DIAPH2: variants seen among roughly 807,000 people sequenced by gnomAD.
DIAPH2 encodes protein diaphanous homolog 2.
In DIAPH2, 35 loss-of-function variants were observed where a neutral mutation model predicts 92.7. The ratio of observed to expected loss-of-function variants is 0.38; its 90% CI spans 0.29 to 0.50. The LOEUF is 0.50. Among genes scored for constraint, DIAPH2 ranks in the 20% least tolerant of loss-of-function variants. The probability of loss-of-function intolerance (pLI) is 0.94; values close to 1 mark genes in which losing one functional copy is unlikely to be tolerated. For missense variants in DIAPH2, 701 were observed against 819.5 expected, an observed-to-expected ratio of 0.86 and a Z score of 1.77; for synonymous variants, 301 against 280.4, an observed-to-expected ratio of 1.07 and a Z score of -0.73.
intron 4 of DIAPH2, among the ~76,000 whole-genome samples, chrX:96,764,480 G>A (rs2064289418): frequency 1.8e-5 from 2 of 111,613 alleles, no homozygotes; most frequent in African/African-American, 6.5e-5. Flanking sequence ...GTTGAAGGAT[G>A]GTCTTGAAGT....
chrX:97,598,385 T>TGTAA (rs762730768), intron 26 of DIAPH2, among the ~76,000 whole-genome samples: 1 of 112,160 alleles, frequency 8.9e-6, no homozygotes, highest in East Asian at 2.8e-4. Flanking sequence ...TTAGCATTTA[T>TGTAA]GTAAGTGCTG....
At chrX:97,034,574 A>G (rs1279335282) in intron 17 of DIAPH2, among the ~76,000 whole-genome samples, 1 of 110,612 alleles carries the variant, frequency 9.0e-6, no homozygotes, top group East Asian at 2.8e-4. Flanking sequence ...TAGAAGAAAG[A>G]GAGAAATCAG....
At chrX:96,766,150 G>A (rs2064302586) in intron 4 of DIAPH2, among the ~76,000 whole-genome samples, 1 of 109,996 alleles carries the variant, frequency 9.1e-6, no homozygotes, top group African/African-American at 3.3e-5. Context: ...CAGGTAAACA[G>A]AATAAAGATA....
chrX:97,521,012 C>T (rs1216286254), intron 26 of DIAPH2, among the ~76,000 whole-genome samples: 1 of 111,468 alleles, frequency 9.0e-6, no homozygotes, highest in African/African-American at 3.3e-5. Context: ...GTCTACCCTC[C>T]ATTGTGATTG....
intron 22 of DIAPH2, among the ~76,000 whole-genome samples, chrX:97,188,416 G>T (rs1013018990): frequency 8.9e-6 from 1 of 111,880 alleles, no homozygotes; most frequent in African/African-American, 3.2e-5. Context: ...AGAAGCAGTA[G>T]TGGAGGAAGC....
chrX:97,434,598 G>A (rs1156446819), intron 26 of DIAPH2, among the ~76,000 whole-genome samples: 1 of 108,835 alleles, frequency 9.2e-6, no homozygotes, highest in Non-Finnish European at 1.9e-5. Context: ...TTTTAGTAGA[G>A]ACGAGGTTTC....
chrX:97,214,394 A>G (rs753223533), intron 22 of DIAPH2, among the ~76,000 whole-genome samples: 1 of 110,706 alleles, frequency 9.0e-6, no homozygotes, highest in Non-Finnish European at 1.9e-5. Context: ...GCCTGCGCCC[A>G]GGAGTTTGAG....
At chrX:97,091,398 C>A (rs1156600563) in intron 19 of DIAPH2, among the ~76,000 whole-genome samples, 2 of 110,633 alleles carry the variant, frequency 1.8e-5, no homozygotes, top group African/African-American at 6.6e-5. Context: ...ACCTTGGCTT[C>A]CCGAGCAGCT....
intron 17 of DIAPH2, among the ~76,000 whole-genome samples, chrX:97,057,498 G>T (rs1414310450): frequency 9.0e-6 from 1 of 111,575 alleles, no homozygotes; most frequent in East Asian, 2.8e-4. Context: ...CACCTAACTG[G>T]TCTGTCTGTA....
chrX:97,213,581 G>A (rs1244195114), intron 22 of DIAPH2, among the ~76,000 whole-genome samples: 1 of 111,836 alleles, frequency 8.9e-6, no homozygotes, highest in Admixed American at 9.5e-5. Flanking sequence ...CTAAGATGCA[G>A]CATACTGGTT....
intron 18 of DIAPH2, among the ~76,000 whole-genome samples, chrX:97,073,454 T>C (rs774483074): frequency 3.6e-5 from 4 of 112,274 alleles, no homozygotes; most frequent in Non-Finnish European, 7.5e-5. Context: ...AATTGCGATG[T>C]GAGCTACTTA....
At chrX:96,812,850 C>T (rs938466848) in intron 4 of DIAPH2, among the ~76,000 whole-genome samples, 2 of 111,834 alleles carry the variant, frequency 1.8e-5, no homozygotes, top group Non-Finnish European at 3.8e-5. Flanking sequence ...TTTCTTAATC[C>T]TGTGTCCTAA....
intron 22 of DIAPH2, among the ~76,000 whole-genome samples, chrX:97,218,526 A>T (rs757746151): frequency 9.0e-6 from 1 of 111,250 alleles, no homozygotes; most frequent in Non-Finnish European, 1.9e-5. Flanking sequence ...AATTATATGC[A>T]TTTTATTCAA....
At chrX:97,000,401 G>T (rs1016076054) in intron 17 of DIAPH2, among the ~76,000 whole-genome samples, 1 of 111,799 alleles carries the variant, frequency 8.9e-6, no homozygotes, top group Non-Finnish European at 1.9e-5. Context: ...ATTTAATCCC[G>T]CAGCTTTTAG....
intron 25 of DIAPH2, among the ~76,000 whole-genome samples, chrX:97,408,718 A>G (rs912939109): frequency 1.5e-4 from 17 of 111,916 alleles, no homozygotes; most frequent in African/African-American, 4.5e-4. Context: ...AGCAATATTC[A>G]TTTAAACTTG....
chrX:96,777,656 T>C (rs2064385818), intron 4 of DIAPH2, among the ~76,000 whole-genome samples: 1 of 111,877 alleles, frequency 8.9e-6, no homozygotes, highest in Admixed American at 9.5e-5. Flanking sequence ...TTATAAAATG[T>C]CACATCAGAT....
chrX:97,453,261 TCC>T (rs2070373961), intron 26 of DIAPH2, among the ~76,000 whole-genome samples: 1 of 111,236 alleles, frequency 9.0e-6, no homozygotes, highest in Non-Finnish European at 1.9e-5. Context: ...TGATATTCAC[TCC>T]ATCCATCCCT....
chrX:97,455,691 A>G (rs1462645148), intron 26 of DIAPH2, among the ~76,000 whole-genome samples: 4 of 112,502 alleles, frequency 3.6e-5, no homozygotes, highest in Admixed American at 2.8e-4. Context: ...ATACAACAAC[A>G]AAACCAAATA....
chrX:97,189,966 GTGTTTTGGCTC>G (rs2067639251), intron 22 of DIAPH2, among the ~76,000 whole-genome samples: 1 of 113,233 alleles, frequency 8.8e-6, no homozygotes, highest in Non-Finnish European at 1.9e-5. Context: ...ACGTGCATGA[GTGTTTTGGCTC>G]AGGAGAAAAA....
Sources: gnomAD v4.1 joint callset for allele counts (sites outside exome capture counted in the v4.1 genomes callset) on GRCh38, gnomAD v4.1.1 for gene constraint, MANE v1.5 for transcripts, NCBI Gene and HGNC (gene_info 2026-07-23, HGNC 2026-07-21) for gene names.